Variants in MYH11 observed in about 807,000 individuals in gnomAD.
MYH11 encodes myosin heavy chain 11, also known as myosin-11.
Under a neutral mutation model 246.6 loss-of-function variants are expected in MYH11, and 80 were observed. That is an observed-to-expected ratio of 0.32 (90% confidence interval 0.27 to 0.39). The LOEUF (loss-of-function observed/expected upper bound fraction) is 0.39. MYH11 is among the 10% of genes least tolerant of loss of function. MYH11 has a pLI of 1.00. For synonymous variants in MYH11, 1,071 were observed against 1,015.5 expected (o/e 1.05, Z -1.04); for missense variants, 2,158 against 2,546.8 (o/e 0.85, Z 3.29).
chr16:15,746,995 C>T (rs1490917431), intron 19 of MYH11, among the ~76,000 whole-genome samples: 3 of 151,800 alleles, frequency 2.0e-5, no homozygotes, highest in South Asian at 2.1e-4. Flanking sequence ...GGCTCAGACA[C>T]GAGAATTGCT....
At chr16:15,798,776 T>C (rs765044220) in intron 3 of MYH11, 89 bp from the exon 4 acceptor site, 6 of 1,321,782 alleles carry the variant, frequency 4.5e-6, no homozygotes, top group Non-Finnish European at 6.5e-6. Flanking sequence ...GGCCCTCCCA[T>C]TCTAAAGCTT....
chr16:15,852,104 T>A (rs571040620), intron 1 of MYH11, among the ~76,000 whole-genome samples: 122 of 152,200 alleles, frequency 8.0e-4, no homozygotes, highest in African/African-American at 2.8e-3. Flanking sequence ...AGCATTAGAT[T>A]TTCACAGAAG....
chr16:15,830,417 T>C (rs1462127876), intron 2 of MYH11, among the ~76,000 whole-genome samples: 1 of 152,118 alleles, frequency 6.6e-6, no homozygotes, highest in Non-Finnish European at 1.5e-5. Context: ...ATCATTATGG[T>C]TCATCCCTAT....
rs547282095 is a variant in MYH11 at position 15,846,635 on chromosome 16, G to C, written c.-17-8366C>G. On this transcript the variant is annotated intron_variant, in intron 1 of 40. Coordinates refer to ENST00000300036, the MANE Select transcript of MYH11 (RefSeq NM_002474.3). Reference sequence around the variant, plus strand: ...AAGCCAAGATGGGAGGACCACTTGAGCCCAGGAGTTTGAGACCAGCCTGGC... The same window carrying C: ...AAGCCAAGATGGGAGGACCACTTGACCCCAGGAGTTTGAGACCAGCCTGGC... 9.2e-5 allele frequency among the ~76,000 whole-genome samples: 14 copies of C among 152,256 alleles called. No individual in the cohort carries two copies. In the East Asian group the frequency reaches 1.7e-3, roughly 19 times the overall value.
intron 20 of MYH11, 148 bp from the exon 21 acceptor site, chr16:15,742,039 C>A: frequency 7.8e-7 from 1 of 1,289,608 alleles, no homozygotes; most frequent in South Asian, 1.3e-5. Flanking sequence ...TGCTGATTGT[C>A]ACAGCTGGGG....
intron 1 of MYH11, among the ~76,000 whole-genome samples, chr16:15,854,984 C>T (rs141280599): frequency 2.0e-3 from 301 of 152,230 alleles, no homozygotes; most frequent in African/African-American, 5.1e-3. Flanking sequence ...CAGGACCAAC[C>T]GGGCTGCGGT....
chr16:15,704,218 C>T lies in MYH11; in HGVS notation c.5787-95G>A. Reference sequence around the variant, plus strand: ...CTATTTTAAACTTGTAGCTATAGTCCTATTGCAATATAAATTTTTTTTATG... The same window carrying T: ...CTATTTTAAACTTGTAGCTATAGTCTTATTGCAATATAAATTTTTTTTATG... On this transcript the variant is annotated intron_variant, in intron 40 of 40. Coordinates refer to ENST00000300036, the MANE Select transcript of MYH11 (RefSeq NM_002474.3). 2.1e-6 allele frequency: 3 copies of T among 1,456,160 alleles called. No homozygotes were observed. The Admixed American group carries it at 6.0e-5, about 29-fold the overall frequency. 90.2% of individuals were successfully genotyped at this position (1,456,160 alleles called of 1,614,324 possible).
intron 4 of MYH11, among the ~76,000 whole-genome samples, chr16:15,790,453 C>G (rs933560655): frequency 1.6e-4 from 25 of 152,224 alleles, no homozygotes; most frequent in African/African-American, 5.8e-4. Context: ...CATGTTGCTG[C>G]TGGGCTCCAC....
At chr16:15,850,539 T>C (rs1332349355) in intron 1 of MYH11, among the ~76,000 whole-genome samples, 1 of 152,148 alleles carries the variant, frequency 6.6e-6, no homozygotes, top group Non-Finnish European at 1.5e-5. Context: ...CCAAATGTTT[T>C]TGGAGATCAG....
At chr16:15,844,301 G>T (rs997017104) in intron 1 of MYH11, among the ~76,000 whole-genome samples, 1 of 152,158 alleles carries the variant, frequency 6.6e-6, no homozygotes, top group African/African-American at 2.4e-5. Context: ...AGGTTCAAGT[G>T]ATTCTCCTGC....
intron 3 of MYH11, among the ~76,000 whole-genome samples, chr16:15,816,446 A>AC (rs1245803181): frequency 2.6e-5 from 4 of 152,162 alleles, no homozygotes; most frequent in Non-Finnish European, 5.9e-5. Flanking sequence ...CTCCAGGAAA[A>AC]AGAAAAGTCA....
chr16:15,816,602 A>G (rs1171678319), intron 3 of MYH11, among the ~76,000 whole-genome samples: 3 of 152,180 alleles, frequency 2.0e-5, no homozygotes, highest in African/African-American at 7.2e-5. Context: ...AAACTAAGAT[A>G]AAATTATACT....
intron 28 of MYH11, 170 bp from the exon 29 acceptor site, chr16:15,725,162 C>A (rs370768530): frequency 5.0e-4 from 315 of 636,320 alleles, no homozygotes; most frequent in East Asian, 2.1e-3. Context: ...CACACACACA[C>A]AAAAAAAACA....
intron 7 of MYH11, among the ~76,000 whole-genome samples, 192 bp from the exon 8 acceptor site, chr16:15,776,368 C>CAA (rs1037975615): frequency 6.7e-6 from 1 of 149,780 alleles, no homozygotes; most frequent in Admixed American, 6.6e-5. Context: ...ACTTCAGATG[C>CAA]AAAAAAAAGG....
intron 1 of MYH11, among the ~76,000 whole-genome samples, chr16:15,847,441 G>A (rs765316373): frequency 1.3e-5 from 2 of 151,836 alleles, no homozygotes; most frequent in Non-Finnish European, 2.9e-5. Context: ...TTGTAGAGAC[G>A]GGGTTTCACC....
At chr16:15,847,826 T>A (rs774462376) in intron 1 of MYH11, among the ~76,000 whole-genome samples, 17 of 152,086 alleles carry the variant, frequency 1.1e-4, no homozygotes, top group Non-Finnish European at 2.2e-4. Context: ...GACAGCAAGA[T>A]GGGGGATGAG....
At chr16:15,790,427 G>C (rs925333839) in intron 4 of MYH11, among the ~76,000 whole-genome samples, 1 of 152,042 alleles carries the variant, frequency 6.6e-6, no homozygotes, top group Admixed American at 6.5e-5. Flanking sequence ...ATAAACTCTG[G>C]GCATCTACCC....
At chr16:15,842,203 A>G (rs2044070681) in intron 1 of MYH11, among the ~76,000 whole-genome samples, 1 of 152,136 alleles carries the variant, frequency 6.6e-6, no homozygotes, top group Non-Finnish European at 1.5e-5. Context: ...CCTGGCCAAC[A>G]TGTGAAACCC....
intron 9 of MYH11, among the ~76,000 whole-genome samples, chr16:15,765,459 G>A (rs920312733): frequency 6.6e-6 from 1 of 152,124 alleles, no homozygotes; most frequent in Non-Finnish European, 1.5e-5. Flanking sequence ...ATGAATGGAT[G>A]GATGGACAGA....
Sources: gnomAD v4.1 joint callset for allele counts (sites outside exome capture counted in the v4.1 genomes callset) on GRCh38, gnomAD v4.1.1 for gene constraint, MANE v1.5 for transcripts, NCBI Gene and HGNC (gene_info 2026-07-23, HGNC 2026-07-21) for gene names.